The following CUX1 variants were observed in gnomAD, a reference collection of about 807,000 sequenced individuals.
The protein encoded by CUX1 is cut like homeobox 1.
CUX1 carries 31 observed loss-of-function variants against 158.8 expected under a neutral mutation model. The observed-to-expected ratio is 0.20, with a 90% CI of 0.15 to 0.26. CUX1 has a LOEUF of 0.26. Ranked by LOEUF, CUX1 falls within the 10% of genes least tolerant of loss-of-function variation. CUX1 has a pLI of 1.00. For synonymous variants in CUX1, 879 were observed against 862.1 expected (o/e 1.02, Z -0.34); for missense variants, 1,589 against 2,014.6 (o/e 0.79, Z 4.04).
Position 102,071,614 on chromosome 7 carries a change from C to T in CUX1, c.268+1197C>T, listed in dbSNP as rs1826144455. ...TTAGCAATTCTCTGAATATCATTGA[C>T]ATCATTAGAGCTACATTAACAGAGC... On this transcript the variant is annotated intron_variant, in intron 4 of 23. Coordinates refer to ENST00000292535, the MANE Select transcript of CUX1 (RefSeq NM_181552.4). Among the ~76,000 whole-genome samples the T allele has an allele frequency of 2.0e-5, 3 of 152,078 alleles. No individual in the cohort carries two copies. In the South Asian group the frequency reaches 6.2e-4, roughly 32 times the overall value.
At chr7:101,969,847 C>T (rs901383613) in intron 2 of CUX1, among the ~76,000 whole-genome samples, 1 of 152,026 alleles carries the variant, frequency 6.6e-6, no homozygotes, top group Non-Finnish European at 1.5e-5. Flanking sequence ...AAAGAGGCGC[C>T]TGATCTGCAG....
chr7:101,976,899 G>GTTTT (rs1812758993), intron 2 of CUX1, among the ~76,000 whole-genome samples: 12 of 40,756 alleles, frequency 2.9e-4, no homozygotes, highest in African/African-American at 1.4e-3. Context: ...TTCCCTTTCT[G>GTTTT]ATTTTTTTTT....
intron 2 of CUX1, among the ~76,000 whole-genome samples, chr7:102,014,344 A>G (rs1818359111): frequency 6.6e-6 from 1 of 152,202 alleles, no homozygotes; most frequent in African/African-American, 2.4e-5. Context: ...AAATGTGCTC[A>G]TTTTAAAACA....
intron 2 of CUX1, among the ~76,000 whole-genome samples, chr7:101,934,643 G>A (rs1182000594): frequency 3.9e-5 from 6 of 152,074 alleles, no homozygotes; most frequent in South Asian, 4.1e-4. Context: ...GAAGTTGCCC[G>A]CTCCGTCCAC....
At chr7:101,868,088 C>T (rs1444482190) in intron 1 of CUX1, among the ~76,000 whole-genome samples, 1 of 152,204 alleles carries the variant, frequency 6.6e-6, no homozygotes, top group Non-Finnish European at 1.5e-5. Flanking sequence ...CTCAAGCGAT[C>T]CTCTTGCCTT....
chr7:101,856,609 C>T (rs969668468), intron 1 of CUX1, among the ~76,000 whole-genome samples: 2 of 152,178 alleles, frequency 1.3e-5, no homozygotes, highest in Non-Finnish European at 2.9e-5. Flanking sequence ...AGGCTTCCTC[C>T]TTGTGGTTAG....
At chr7:102,137,627 T>TCTC (rs1237467250) in intron 8 of CUX1, among the ~76,000 whole-genome samples, 1 of 151,856 alleles carries the variant, frequency 6.6e-6, no homozygotes, top group Non-Finnish European at 1.5e-5. Context: ...GAAGAGTGAA[T>TCTC]CTCCGTCAAA....
chr7:102,103,199 C>T (rs1042862884), intron 5 of CUX1, among the ~76,000 whole-genome samples: 2 of 152,170 alleles, frequency 1.3e-5, no homozygotes, highest in Non-Finnish European at 2.9e-5. Context: ...GAGCATCTTC[C>T]CCCAGGCTAC....
At chr7:101,824,206 GC>G (rs914308396) in intron 1 of CUX1, among the ~76,000 whole-genome samples, 1 of 152,094 alleles carries the variant, frequency 6.6e-6, no homozygotes, top group Non-Finnish European at 1.5e-5. Context: ...TCGTGCCTCA[GC>G]CCCCCCGAGT....
chr7:102,000,745 G>A (rs1394096722), intron 2 of CUX1, among the ~76,000 whole-genome samples: 2 of 152,122 alleles, frequency 1.3e-5, no homozygotes, highest in Non-Finnish European at 2.9e-5. Context: ...GTGAGTATTA[G>A]TATTTAAGGG....
At chr7:102,094,242 G>A (rs1554483269) in intron 4 of CUX1, among the ~76,000 whole-genome samples, 1 of 152,198 alleles carries the variant, frequency 6.6e-6, no homozygotes, top group African/African-American at 2.4e-5. Context: ...TTCAAATGCT[G>A]TAGGCATTTA....
chr7:102,232,828 A>G (rs528999544), intron 21 of CUX1, among the ~76,000 whole-genome samples: 1 of 152,316 alleles, frequency 6.6e-6, no homozygotes, highest in East Asian at 1.9e-4. Flanking sequence ...GTATCAGGAA[A>G]GGGGTTTTGA....
At chr7:102,064,023 G>C (rs4294126) in intron 3 of CUX1, among the ~76,000 whole-genome samples, 13 of 152,220 alleles carry the variant, frequency 8.5e-5, no homozygotes, top group African/African-American at 3.1e-4. Context: ...CCTTCCAGGC[G>C]GAGGGGAAAT....
chr7:102,092,908 G>A (rs1391393230), intron 4 of CUX1, among the ~76,000 whole-genome samples: 2 of 95,844 alleles, frequency 2.1e-5, no homozygotes, highest in Admixed American at 1.3e-4. Context: ...GTGAGACTCC[G>A]TCTCAAAAAA....
At chr7:102,135,557 GTGTGTGTGTGTGTT>G (rs1487607320) in intron 8 of CUX1, among the ~76,000 whole-genome samples, 8 of 137,424 alleles carry the variant, frequency 5.8e-5, no homozygotes, top group Admixed American at 2.8e-4. Context: ...GGGTCAACTT[GTGTGTGTGTGTGTT>G]TGTGTGTGTG....
intron 18 of CUX1, among the ~76,000 whole-genome samples, chr7:102,278,672 TATAAA>T (rs1201404859): frequency 8.4e-6 from 1 of 119,038 alleles, no homozygotes; most frequent in Non-Finnish European, 1.8e-5. Flanking sequence ...TAAAATAAAA[TATAAA>T]ATAAAATAAA....
rs1794824483 is a variant in CUX1, at chr7:102,196,626, C to G, written c.1223-8C>G. On this transcript the variant is annotated splice_polypyrimidine_tract_variant and splice_region_variant and intron_variant, in intron 14 of 23. Transcript: ENST00000292535. ...CCCATAATGCATTCTGTTTGCCCTT[C>G]CTTGTAGGGTCAGCCAGGAGGAAAG... 5 of 1,528,608 alleles carry G rather than the reference C, an allele frequency of 3.3e-6. No homozygotes were observed. The highest frequency in any genetic ancestry group is 4.4e-6 in the Non-Finnish European group (5 of 1,139,058). The allele number at this position is 1,528,608 out of a possible 1,614,324, so 94.7% of individuals were successfully genotyped here.
At chr7:102,120,443 A>G (rs1831915085) in intron 8 of CUX1, among the ~76,000 whole-genome samples, 1 of 152,170 alleles carries the variant, frequency 6.6e-6, no homozygotes, top group Non-Finnish European at 1.5e-5. Flanking sequence ...GCACCTCCCA[A>G]ACCTTTCCTG....
chr7:102,254,388 C>A lies in CUX1; in HGVS notation c.*5346C>A. 1.0e-6 allele frequency: 1 copy of A among 985,436 alleles called. No homozygotes were observed. The highest frequency in any genetic ancestry group is 1.2e-6 in the Non-Finnish European group (1 of 829,962). The allele number at this position is 985,436 out of a possible 1,614,324, so 61.0% of individuals were successfully genotyped here. On this transcript the variant is annotated 3_prime_UTR_variant, in exon 24 of 24. Transcript: ENST00000292535. Reference sequence around the variant, plus strand: ...TAGCGTCACTGCGAACACTCCTTTGCAAACATCAAACATCTCAAAGACGGA... The same window carrying A: ...TAGCGTCACTGCGAACACTCCTTTGAAAACATCAAACATCTCAAAGACGGA...
Sources: gnomAD v4.1 joint callset for allele counts (sites outside exome capture counted in the v4.1 genomes callset) on GRCh38, gnomAD v4.1.1 for gene constraint, MANE v1.5 for transcripts, NCBI Gene and HGNC (gene_info 2026-07-23, HGNC 2026-07-21) for gene names.